MTMR10: variants seen among roughly 807,000 people sequenced by gnomAD.
MTMR10 encodes the protein myotubularin related protein 10.
A neutral mutation model predicts 88.1 loss-of-function variants in MTMR10; 56 were observed. The ratio of observed to expected loss-of-function variants is 0.64; its 90% CI spans 0.51 to 0.79. MTMR10 has a LOEUF of 0.79. Ranked by LOEUF, MTMR10 falls within the 30% of genes least tolerant of loss-of-function variation. The pLI is 0.00. For missense variants in MTMR10, 883 were observed against 924.7 expected (o/e 0.95, Z 0.58); for synonymous variants, 380 against 340.9 (o/e 1.11, Z -1.26).
the MTMR10 span, among the ~76,000 whole-genome samples, chr15:30,931,802 T>G: frequency 6.6e-6 from 1 of 152,196 alleles, no homozygotes; most frequent in Non-Finnish European, 1.5e-5. Context: ...TTGATTATTG[T>G]AGCTTTAGAT....
At chr15:30,955,461 G>T (rs149433292) in intron 9 of MTMR10, among the ~76,000 whole-genome samples, 4 of 152,096 alleles carry the variant, frequency 2.6e-5, no homozygotes, top group Non-Finnish European at 4.4e-5. Flanking sequence ...TAGTAGAGGC[G>T]GGGTTTCACC....
intron 9 of MTMR10, among the ~76,000 whole-genome samples, chr15:30,955,487 G>C (rs377076806): frequency 6.6e-6 from 1 of 152,138 alleles, no homozygotes; most frequent in Non-Finnish European, 1.5e-5. Context: ...GGCCAGGCTG[G>C]TCTCAAACTC....
chr15:30,973,946 TA>T (rs1166210498), intron 5 of MTMR10, among the ~76,000 whole-genome samples: 1 of 152,212 alleles, frequency 6.6e-6, no homozygotes, highest in African/African-American at 2.4e-5. Flanking sequence ...AGTTTGTTGG[TA>T]AAGTTCTGCA....
At chr15:30,991,183 C>A in intron 1 of MTMR10, 1 of 479,234 alleles carries the variant, frequency 2.1e-6, no homozygotes, top group East Asian at 3.5e-5. Flanking sequence ...TCCCAAGGCT[C>A]CCCTGGGCCT....
chr15:30,928,197 C>A, the MTMR10 span: 6 of 1,026,032 alleles, frequency 5.8e-6, no homozygotes, highest in Non-Finnish European at 1.2e-6. Context: ...CCCAGCCCTG[C>A]TAAGTCCCAG....
chr15:30,944,832 GA>G (rs575865175), intron 14 of MTMR10, among the ~76,000 whole-genome samples: 1 of 151,592 alleles, frequency 6.6e-6, no homozygotes, highest in South Asian at 2.1e-4. Context: ...GCAACATGGC[GA>G]AACCCTGACT....
intron 13 of MTMR10, 22 bp from the exon 14 acceptor site, chr15:30,947,322 T>C: frequency 1.9e-6 from 3 of 1,608,124 alleles, no homozygotes; most frequent in Non-Finnish European, 2.5e-6. Context: ...AAAGAGACAA[T>C]GGGATCATTT....
chr15:30,976,712 C>G, intron 3 of MTMR10, 107 bp downstream of exon 3: 1 of 1,252,144 alleles, frequency 8.0e-7, no homozygotes, highest in South Asian at 1.6e-5. Context: ...CATTGCATTA[C>G]CTAATACTTC....
chr15:30,953,142 G>C (rs907800677), intron 11 of MTMR10, among the ~76,000 whole-genome samples: 1 of 152,088 alleles, frequency 6.6e-6, no homozygotes, highest in African/African-American at 2.4e-5. Flanking sequence ...TGAAAAGGAA[G>C]GGGTTGACTT....
intron 6 of MTMR10, among the ~76,000 whole-genome samples, chr15:30,963,578 A>G (rs2063432873): frequency 6.6e-6 from 1 of 152,160 alleles, no homozygotes; most frequent in African/African-American, 2.4e-5. Context: ...CAGAGCTTGC[A>G]GTGAGCCGAG....
chr15:30,927,840 C>A, the MTMR10 span: 2 of 985,578 alleles, frequency 2.0e-6, no homozygotes, highest in East Asian at 1.1e-4. Context: ...CCAAGGCTGA[C>A]CCCCTCATCC....
intron 5 of MTMR10, among the ~76,000 whole-genome samples, chr15:30,971,255 T>G (rs1258905153): frequency 6.6e-6 from 1 of 152,178 alleles, no homozygotes; most frequent in East Asian, 1.9e-4. Flanking sequence ...GGCAAATATT[T>G]TATTGGAGAA....
rs182462527 is a variant in MTMR10 at position 30,984,177 on chromosome 15, T to C, written c.121+6600A>G. 2.0e-5 allele frequency among the ~76,000 whole-genome samples: 3 copies of C among 152,324 alleles called. No individual in the cohort carries two copies. In the East Asian group the frequency reaches 5.8e-4, roughly 29 times the overall value. On this transcript the variant is annotated intron_variant, in intron 2 of 15. Transcript: ENST00000435680. ...AATTACAAGGTTAAAGAATTTGGAT[T>C]TTATCCTGCTTAAGTAGGATTTTAT...
At chr15:30,942,560 AGGCCATGACTACATCACAGCCAGGC>A (rs1362432706) in intron 15 of MTMR10, 2 of 349,080 alleles carry the variant, frequency 5.7e-6, no homozygotes, top group Admixed American at 4.3e-5. Flanking sequence ...AGCAGTCAGG[AGGCCATGACTACATCACAGCCAGGC>A]GGCATTCCCT....
rs78610757 is a variant in MTMR10, at chr15:30,982,196, G to A, written c.122-5241C>T. 1.8e-4 allele frequency among the ~76,000 whole-genome samples: 27 copies of A among 152,250 alleles called. No homozygotes were observed. In the East Asian group the frequency reaches 5.0e-3, roughly 28 times the overall value. The stretch of plus-strand genomic sequence containing the variant: ...TGAGACATTGAGAATAAGGAGACAC[G>A]ACAACTAAATGCTATGTAGTATCCT... On this transcript the variant is annotated intron_variant, in intron 2 of 15. Transcript: ENST00000435680.
chr15:30,925,649 G>A, the MTMR10 span: 26 of 968,152 alleles, frequency 2.7e-5, no homozygotes, highest in Middle Eastern at 3.1e-4. Flanking sequence ...GCAGTTCTGC[G>A]TGTGTGAGCC....
In MTMR10 at chr15:30,944,872, C is replaced by T. The variant is rs548690574; in HGVS notation, c.1549-1800G>A. On this transcript the variant is annotated intron_variant, in intron 14 of 15. Transcript: ENST00000435680. ...CAAAAAAATACAAAAATTAGCTAGG[C>T]GTGGTGGCATGCGCCTGCAGTCCTA... is the stretch of plus-strand genomic sequence containing the variant. Among the ~76,000 whole-genome samples, 6 of 151,940 alleles carry T rather than the reference C, an allele frequency of 3.9e-5. No individual in the cohort carries two copies. In the South Asian group the frequency reaches 6.2e-4, roughly 16 times the overall value.
chr15:30,925,108 T>G, the MTMR10 span: 5 of 1,595,952 alleles, frequency 3.1e-6, no homozygotes, highest in Non-Finnish European at 2.6e-6. Flanking sequence ...GCCTGATGTG[T>G]GACCATGCTC....
At chr15:30,953,532 TAAAG>T (rs750596713) in intron 11 of MTMR10, 26 bp downstream of exon 11, 5 of 1,483,666 alleles carry the variant, frequency 3.4e-6, no homozygotes, top group Non-Finnish European at 4.6e-6. Context: ...AATAAAAAGT[TAAAG>T]GAAAAGAAAG....
Sources: gnomAD v4.1 joint callset for allele counts (sites outside exome capture counted in the v4.1 genomes callset) on GRCh38, gnomAD v4.1.1 for gene constraint, MANE v1.5 for transcripts, NCBI Gene and HGNC (gene_info 2026-07-23, HGNC 2026-07-21) for gene names.